TNFAIP6: variants seen among roughly 807,000 people sequenced by gnomAD.
TNFAIP6 encodes the protein TNF alpha induced protein 6.
TNFAIP6 carries 36 observed loss-of-function variants against 33.7 expected under a neutral mutation model. That is an observed-to-expected ratio of 1.07 (90% CI 0.82 to 1.41). The LOEUF (loss-of-function observed/expected upper bound fraction) is 1.41, where lower values mean the gene tolerates loss of function less well. TNFAIP6 is among the 40% of genes most tolerant of loss of function. The pLI, the probability that TNFAIP6 is intolerant of heterozygous loss-of-function variation, is 0.00. For missense variants in TNFAIP6, 273 were observed against 331.9 expected (o/e 0.82, Z 1.38); for synonymous variants, 113 against 112.8 (o/e 1.00, Z -0.01).
chr2:151,375,632 T>G (rs904190480), intron 5 of TNFAIP6, among the ~76,000 whole-genome samples: 3 of 151,394 alleles, frequency 2.0e-5, no homozygotes, highest in Admixed American at 6.6e-5. Flanking sequence ...CGCTTGAACC[T>G]GGGAGGCAGA....
chr2:151,375,250 GAA>G (rs11313538), intron 5 of TNFAIP6, among the ~76,000 whole-genome samples: 3 of 142,854 alleles, frequency 2.1e-5, no homozygotes, highest in East Asian at 2.0e-4. Flanking sequence ...AAGAAACTGG[GAA>G]AAAAAAAACC....
chr2:151,374,312 A>G (rs1684866689), intron 5 of TNFAIP6, among the ~76,000 whole-genome samples: 1 of 152,162 alleles, frequency 6.6e-6, no homozygotes, highest in Admixed American at 6.6e-5. Flanking sequence ...AATTTATCTC[A>G]ATATGCAATA....
intron 5 of TNFAIP6, among the ~76,000 whole-genome samples, chr2:151,375,536 G>A (rs941917807): frequency 2.0e-5 from 3 of 151,846 alleles, no homozygotes; most frequent in East Asian, 1.9e-4. Context: ...GTGAAACTCC[G>A]TCTCTACTAA....
intron 3 of TNFAIP6, among the ~76,000 whole-genome samples, chr2:151,367,211 G>C (rs775956517): frequency 4.6e-5 from 7 of 152,152 alleles, no homozygotes; most frequent in Non-Finnish European, 8.8e-5. Context: ...TGTAGTCCAA[G>C]TAGAAAGATT....
chr2:151,371,118 C>A (rs1684809644), intron 4 of TNFAIP6, among the ~76,000 whole-genome samples: 1 of 151,910 alleles, frequency 6.6e-6, no homozygotes, highest in South Asian at 2.1e-4. Context: ...CTTTCTTCTT[C>A]CTACAAAGCA....
chr2:151,366,216 C>A lies in TNFAIP6; in HGVS notation c.393C>A (p.His131Gln). 1.2e-6 allele frequency: 2 copies of A among 1,613,280 alleles called. No individual in the cohort carries two copies. The highest frequency in any genetic ancestry group is 1.7e-4 in the Middle Eastern group (1 of 6,060). The stretch of plus-strand genomic sequence containing the variant: ...GGGATGCCTATTGCTACAACCCACA[C>A]GGTGTGTTAAAAATAATAATTTTAT... ...ERWDAYCYNP[H>Q]AKECGGVFTD... The change falls in exon 3 of 6, where the codon CAC becomes CAA. Residue 131 changes from histidine (H) to glutamine (Q), a missense_variant and splice_region_variant. By Grantham distance (24) the His-to-Gln change is conservative. Coordinates refer to ENST00000243347, the MANE Select transcript of TNFAIP6 (RefSeq NM_007115.4).
At chr2:151,377,172 TC>T (rs1244974950) in intron 5 of TNFAIP6, among the ~76,000 whole-genome samples, 5 of 149,608 alleles carry the variant, frequency 3.3e-5, no homozygotes, top group African/African-American at 1.2e-4. Context: ...TCTTTTCTTT[TC>T]TTTTCTTTTT....
rs75295519 is a variant in TNFAIP6, at chr2:151,379,374, G to A, written c.675G>A (p.Met225Ile). 6.0e-3 allele frequency: 9,488 copies of A among 1,586,950 alleles called. 259 individuals carry two copies. In the East Asian group the frequency reaches 0.091, roughly 15 times the overall value. The change falls in exon 6 of 6, where the codon ATG becomes ATA. Residue 225 changes from methionine (M) to isoleucine (I), a missense_variant. Physicochemically the swap from Met to Ile is conservative, Grantham distance 10. Transcript: ENST00000243347. ...PDDIISTGNV[M>I]TLKFLSDASV... ...CCTTCCCCGCAACAGGAAATGTCAT[G>A]ACCTTGAAGTTTCTAAGTGATGCTT...
chr2:151,373,486 C>A, intron 4 of TNFAIP6, 63 bp from the exon 5 acceptor site: 1 of 926,892 alleles, frequency 1.1e-6, no homozygotes, highest in Non-Finnish European at 1.6e-6. Context: ...TCAGTAACAG[C>A]CACTTTACTA....
At chr2:151,357,912 CTT>C (rs372063583) in intron 1 of TNFAIP6, 152 bp downstream of exon 1, 208 of 363,332 alleles carry the variant, frequency 5.7e-4, no homozygotes, top group Middle Eastern at 1.4e-3. Context: ...AATACATACG[CTT>C]TTTTTTTTTT....
At chr2:151,381,140 C>T (rs568724297), downstream of TNFAIP6, among the ~76,000 whole-genome samples, 1 of 152,106 alleles carries the variant, frequency 6.6e-6, no homozygotes, top group African/African-American at 2.4e-5. Flanking sequence ...TCCATCTTCC[C>T]TCTTGCCCCA....
At chr2:151,367,691 T>C (rs1393603270) in intron 3 of TNFAIP6, among the ~76,000 whole-genome samples, 1 of 152,162 alleles carries the variant, frequency 6.6e-6, no homozygotes, top group African/African-American at 2.4e-5. Flanking sequence ...GAATACACTC[T>C]GGGAATACAG....
intron 5 of TNFAIP6, among the ~76,000 whole-genome samples, chr2:151,376,607 TATGG>T (rs1293156379): frequency 1.3e-5 from 2 of 152,152 alleles, no homozygotes; most frequent in Admixed American, 6.5e-5. Flanking sequence ...ATGTGGAAAC[TATGG>T]ACATATTTCC....
At position 151,357,746 on chromosome 2, in the gene TNFAIP6, A is replaced by G; in HGVS notation, c.80A>G (p.Asn27Ser). 1 of 1,606,530 alleles carries G rather than the reference A, an allele frequency of 6.2e-7. No homozygotes were observed. Among genetic ancestry groups the G allele is most frequent in the Non-Finnish European group, 8.5e-7 (1 of 1,173,340 alleles). ...GWGFKDGIFH[N>S]SIWLERAAGV... ...GGATTCAAGGATGGAATTTTTCATA[A>G]CTCCATATGGCTTGGTAAGAACCTT... The change falls in exon 1 of 6, where the codon AAC (asparagine) becomes AGC (serine). Residue 27 changes from asparagine to serine, a missense_variant. By Grantham distance (46) the Asn-to-Ser change is conservative. Coordinates refer to ENST00000243347, the MANE Select transcript of TNFAIP6 (RefSeq NM_007115.4).
chr2:151,357,964 T>A (rs1340150215), intron 1 of TNFAIP6, among the ~76,000 whole-genome samples: 1 of 152,138 alleles, frequency 6.6e-6, no homozygotes, highest in East Asian at 1.9e-4. Flanking sequence ...TAGCATTTTA[T>A]AAAGTGAATT....
At chr2:151,367,397 CT>C (rs1169987924) in intron 3 of TNFAIP6, among the ~76,000 whole-genome samples, 2 of 151,964 alleles carry the variant, frequency 1.3e-5, no homozygotes, top group African/African-American at 4.8e-5. Context: ...ATGTATCTTC[CT>C]TTCCTCCCTC....
At chr2:151,361,129 G>A (rs888521160) in intron 1 of TNFAIP6, among the ~76,000 whole-genome samples, 13 of 152,152 alleles carry the variant, frequency 8.5e-5, no homozygotes, top group Non-Finnish European at 1.5e-4. Context: ...AGGCTGGGGT[G>A]TTGTGGCATG....
intron 5 of TNFAIP6, among the ~76,000 whole-genome samples, chr2:151,374,052 AT>A (rs1171331873): frequency 6.6e-6 from 1 of 152,216 alleles, no homozygotes; most frequent in Non-Finnish European, 1.5e-5. Context: ...GTTCTGTGAG[AT>A]TTAAATAGAT....
intron 4 of TNFAIP6, among the ~76,000 whole-genome samples, chr2:151,370,469 ACT>A (rs1558900295): frequency 8.0e-5 from 12 of 150,214 alleles, no homozygotes; most frequent in African/African-American, 3.0e-4. Flanking sequence ...AGTTGTAAGA[ACT>A]AGTTAGTCTA....
Sources: allele counts gnomAD v4.1 joint callset (sites outside exome capture counted in the v4.1 genomes callset), GRCh38; gene constraint gnomAD v4.1.1; transcripts MANE v1.5; gene names NCBI Gene and HGNC (gene_info 2026-07-23, HGNC 2026-07-21).